Variants in TNRC6C observed in about 807,000 individuals in gnomAD.
The protein encoded by TNRC6C is trinucleotide repeat containing adaptor 6C, also known as trinucleotide repeat-containing gene 6C protein.
A neutral mutation model predicts 153.7 loss-of-function variants in TNRC6C; 20 were observed. The observed-to-expected ratio is 0.13, with a 90% CI of 0.09 to 0.19. The LOEUF (loss-of-function observed/expected upper bound fraction) is 0.19, where lower values mean the gene tolerates loss of function less well. TNRC6C is among the 10% of genes least tolerant of loss of function. The pLI is 1.00. For synonymous variants in TNRC6C, 811 were observed against 841.4 expected, an observed-to-expected ratio of 0.96 and a Z score of 0.63; for missense variants, 1,987 against 2,172.0, an observed-to-expected ratio of 0.91 and a Z score of 1.69.
At chr17:78,085,879 C>G (rs1489403737) in intron 11 of TNRC6C, among the ~76,000 whole-genome samples, 2 of 151,248 alleles carry the variant, frequency 1.3e-5, no homozygotes, top group African/African-American at 4.9e-5. Context: ...ATGAATCAAG[C>G]AGAAGAATTT....
chr17:77,984,300 T>C (rs2071125814), intron 1 of TNRC6C, among the ~76,000 whole-genome samples: 1 of 151,716 alleles, frequency 6.6e-6, no homozygotes, highest in African/African-American at 2.4e-5. Context: ...GCAGGATTGC[T>C]TGAGCCCAGG....
intron 16 of TNRC6C, among the ~76,000 whole-genome samples, chr17:78,095,585 C>T (rs930994003): frequency 6.6e-6 from 1 of 152,244 alleles, no homozygotes; most frequent in Non-Finnish European, 1.5e-5. Context: ...GTAGCCAGTT[C>T]ATGTGGCTCA....
At chr17:78,055,995 TC>T (rs1269307237) in intron 3 of TNRC6C, among the ~76,000 whole-genome samples, 4 of 152,106 alleles carry the variant, frequency 2.6e-5, no homozygotes, top group Non-Finnish European at 4.4e-5. Flanking sequence ...GGGGGATCTC[TC>T]CCCTTTGATA....
intron 1 of TNRC6C, among the ~76,000 whole-genome samples, chr17:77,981,927 G>A (rs2071084126): frequency 6.6e-6 from 1 of 152,166 alleles, no homozygotes; most frequent in African/African-American, 2.4e-5. Flanking sequence ...GAGTGTGTGT[G>A]TTCCCCAAAG....
At chr17:77,985,603 A>AAAAAAAAAAAAAAAAAAAAAAC (rs1321535708) in intron 1 of TNRC6C, among the ~76,000 whole-genome samples, 1 of 147,600 alleles carries the variant, frequency 6.8e-6, no homozygotes, top group African/African-American at 2.5e-5. Flanking sequence ...CTCCGTCTCA[A>AAAAAAAAAAAAAAAAAAAAAAC]AAAAAAAAAA....
At chr17:77,985,601 C>CAAAAAAAAAAAAAAAAAAAAAAAAA (rs1229331703) in intron 1 of TNRC6C, among the ~76,000 whole-genome samples, 3 of 96,244 alleles carry the variant, frequency 3.1e-5, no homozygotes, top group African/African-American at 1.3e-4. Flanking sequence ...GACTCCGTCT[C>CAAAAAAAAAAAAAAAAAAAAAAAAA]AAAAAAAAAA....
At chr17:77,970,953 G>A (rs941207832) in intron 1 of TNRC6C, among the ~76,000 whole-genome samples, 7 of 151,998 alleles carry the variant, frequency 4.6e-5, no homozygotes, top group Admixed American at 2.0e-4. Flanking sequence ...AGGTTACAGT[G>A]AGCTACGATC....
intron 1 of TNRC6C, among the ~76,000 whole-genome samples, chr17:77,965,065 A>T (rs942933617): frequency 2.2e-4 from 34 of 152,202 alleles, no homozygotes; most frequent in Admixed American, 1.5e-3. Flanking sequence ...TTACAATGTG[A>T]TTATGTGCCA....
intron 10 of TNRC6C, among the ~76,000 whole-genome samples, chr17:78,081,856 CTGTT>C (rs2073186704): frequency 6.6e-6 from 1 of 152,188 alleles, no homozygotes; most frequent in African/African-American, 2.4e-5. Flanking sequence ...CTGTATCTCC[CTGTT>C]ACCTGTGAGT....
exon 2 of TNRC6C, chr17:78,031,696 A>G: frequency 1.6e-6 from 2 of 1,232,404 alleles, no homozygotes; most frequent in Non-Finnish European, 2.0e-6. Flanking sequence ...CAGCAAGAAC[A>G]GAAGCAGCTA....
chr17:78,083,037 T>C lies in TNRC6C; in HGVS notation c.3358-10T>C. 1.9e-6 allele frequency: 3 copies of C among 1,613,656 alleles called. 1 individual carries two copies. ...ATACAACGGCTAATAGTATATTTTA[T>C]GTTAAACAGGTTCAAGCACAGCTTT... On this transcript the variant is annotated splice_polypyrimidine_tract_variant and intron_variant, in intron 10 of 19. Coordinates refer to ENST00000301624, the Ensembl canonical transcript of TNRC6C.
At chr17:77,972,410 G>A (rs2144067514) in intron 1 of TNRC6C, among the ~76,000 whole-genome samples, 1 of 152,194 alleles carries the variant, frequency 6.6e-6, no homozygotes, top group South Asian at 2.1e-4. Flanking sequence ...TACTCTGGAG[G>A]CTGAGGCAGG....
upstream of TNRC6C, among the ~76,000 whole-genome samples, chr17:78,000,618 G>GC (rs35005797): frequency 0.31 from 4,084 of 12,972 alleles, 1,186 homozygotes; most frequent in East Asian, 0.46. Context: ...TTCTCCCTCC[G>GC]CCCCCCCCCC....
At chr17:78,106,837 A>AT (rs1275228804) in exon 20 of TNRC6C, 5 of 148,882 alleles carry the variant, frequency 3.4e-5, no homozygotes, top group Non-Finnish European at 7.4e-5. Flanking sequence ...TGTGCATTAC[A>AT]TTTTTTTAAT....
intron 1 of TNRC6C, among the ~76,000 whole-genome samples, chr17:78,019,899 C>T (rs142348778): frequency 3.9e-4 from 60 of 152,104 alleles, no homozygotes; most frequent in Non-Finnish European, 2.6e-4. Flanking sequence ...GTTTTTTAGA[C>T]AGTAATAGAC....
At chr17:77,967,328 C>T (rs1397358943) in intron 1 of TNRC6C, among the ~76,000 whole-genome samples, 2 of 152,148 alleles carry the variant, frequency 1.3e-5, no homozygotes, top group South Asian at 2.1e-4. Context: ...ATCCCTACAT[C>T]GTCTATAGTA....
intron 1 of TNRC6C, among the ~76,000 whole-genome samples, chr17:77,991,478 A>T (rs1256075997): frequency 6.6e-6 from 1 of 152,130 alleles, no homozygotes; most frequent in African/African-American, 2.4e-5. Context: ...AGATGTGGGC[A>T]AGTTGTGGTC....
At chr17:77,966,796 T>TA (rs537641996) in intron 1 of TNRC6C, among the ~76,000 whole-genome samples, 2 of 152,130 alleles carry the variant, frequency 1.3e-5, no homozygotes, top group African/African-American at 2.4e-5. Flanking sequence ...GCCATACCCA[T>TA]AAAAAAATTC....
At chr17:77,981,156 A>AG (rs2071072232) in intron 1 of TNRC6C, among the ~76,000 whole-genome samples, 1 of 152,048 alleles carries the variant, frequency 6.6e-6, no homozygotes, top group East Asian at 1.9e-4. Context: ...TTTAAAAAAA[A>AG]TTTTGTAGAG....
Sources: allele counts gnomAD v4.1 joint callset (sites outside exome capture counted in the v4.1 genomes callset), GRCh38; gene constraint gnomAD v4.1.1; transcripts MANE v1.5; gene names NCBI Gene and HGNC (gene_info 2026-07-23, HGNC 2026-07-21).